The following SYNPO variants were observed in gnomAD, a reference collection of about 807,000 sequenced individuals.
SYNPO encodes synaptopodin.
Under a neutral mutation model 49.5 loss-of-function variants are expected in SYNPO, and 19 were observed. That is an observed-to-expected ratio of 0.38 (90% CI 0.27 to 0.56). The LOEUF (loss-of-function observed/expected upper bound fraction) is 0.56. Ranked by LOEUF, SYNPO falls within the 20% of genes least tolerant of loss-of-function variation. SYNPO has a pLI of 0.68. For missense variants in SYNPO, 1,131 were observed against 1,248.3 expected (o/e 0.91, Z 1.42); for synonymous variants, 536 against 548.0 (o/e 0.98, Z 0.31).
At chr5:150,597,386 C>A (rs1756444368), upstream of SYNPO, among the ~76,000 whole-genome samples, 1 of 152,196 alleles carries the variant, frequency 6.6e-6, no homozygotes, top group Non-Finnish European at 1.5e-5. Context: ...TGCTGGAGTG[C>A]AATGGTGCAA....
chr5:150,625,119 G>C (rs1326205511), intron 2 of SYNPO, among the ~76,000 whole-genome samples: 2 of 152,212 alleles, frequency 1.3e-5, no homozygotes, highest in South Asian at 4.1e-4. Context: ...CGAGGCTTTC[G>C]AGCAGCTGAG....
At chr5:150,640,187 G>T (rs1456534263), upstream of SYNPO, 1 of 985,144 alleles carries the variant, frequency 1.0e-6, no homozygotes, top group Non-Finnish European at 1.2e-6. Context: ...ACACAAGGTG[G>T]TGGTTATTAA....
chr5:150,629,082 G>A (rs1186747981), intron 2 of SYNPO, among the ~76,000 whole-genome samples: 1 of 152,170 alleles, frequency 6.6e-6, no homozygotes, highest in Non-Finnish European at 1.5e-5. Flanking sequence ...GCAGTGGCAT[G>A]ATTATGGCTC....
chr5:150,602,263 C>T (rs1376542650), intron 1 of SYNPO, among the ~76,000 whole-genome samples: 3 of 152,238 alleles, frequency 2.0e-5, no homozygotes, highest in Non-Finnish European at 4.4e-5. Context: ...CACTGCCTTG[C>T]TACGGATGTT....
upstream of SYNPO, among the ~76,000 whole-genome samples, chr5:150,636,046 A>C (rs984721511): frequency 3.3e-5 from 5 of 152,080 alleles, no homozygotes; most frequent in African/African-American, 4.8e-5. Context: ...AGCATTTACC[A>C]TCTGACTTAC....
chr5:150,635,715 G>A (rs140286928), upstream of SYNPO, among the ~76,000 whole-genome samples: 1,045 of 152,204 alleles, frequency 6.9e-3, 11 homozygotes, highest in African/African-American at 0.024. Flanking sequence ...TGCCCGCCTC[G>A]GCCTCCCAAA....
At chr5:150,655,722 G>A (rs1280139975) in intron 2 of SYNPO, among the ~76,000 whole-genome samples, 1 of 152,166 alleles carries the variant, frequency 6.6e-6, no homozygotes, top group African/African-American at 2.4e-5. Flanking sequence ...GCACGATGTC[G>A]GCTCACTGCA....
the SYNPO span, among the ~76,000 whole-genome samples, chr5:150,590,330 C>T: frequency 5.3e-5 from 8 of 152,214 alleles, no homozygotes; most frequent in Admixed American, 5.2e-4. Context: ...GAGAGAGGGA[C>T]CGCCACAGCC....
intron 1 of SYNPO, among the ~76,000 whole-genome samples, chr5:150,601,952 A>G (rs950951629): frequency 6.6e-6 from 1 of 152,338 alleles, no homozygotes; most frequent in South Asian, 2.1e-4. Flanking sequence ...TTTTCAGAGC[A>G]GTCACCTCCA....
chr5:150,634,719 G>A (rs1757649451), intron 2 of SYNPO, among the ~76,000 whole-genome samples: 1 of 151,902 alleles, frequency 6.6e-6, no homozygotes, highest in Non-Finnish European at 1.5e-5. Flanking sequence ...TACTTGGGAG[G>A]CTGAGGCAGG....
rs372578843 is a variant in SYNPO, at chr5:150,630,193, T to G, written c.400+11426T>G. On this transcript the variant is annotated intron_variant, in intron 2 of 2. Transcript: ENST00000394243. ...CATGGAAGGCTCTGCCATGGCCTGA[T>G]GAGTGGGCGTTGTTAGTGCCTTGGA... 5.3e-5 allele frequency among the ~76,000 whole-genome samples: 8 copies of G among 152,284 alleles called. No homozygotes were observed. In the South Asian group the frequency reaches 1.7e-3, roughly 32 times the overall value.
chr5:150,631,205 A>T (rs1757524158), intron 2 of SYNPO, among the ~76,000 whole-genome samples: 1 of 152,248 alleles, frequency 6.6e-6, no homozygotes, highest in African/African-American at 2.4e-5. Flanking sequence ...GCATGGACAT[A>T]GCCAAGGTCC....
Position 150,648,238 on chromosome 5 carries a change from G to C in SYNPO, c.-38G>C, listed in dbSNP as rs1299614883. The stretch of plus-strand genomic sequence containing the variant: ...GAGCCAGGCCCTCCACGGCACCCCA[G>C]TCCCCAGAGCCCCGACAGAGGGGTC... On this transcript the variant is annotated 5_prime_UTR_variant, in exon 2 of 3. Coordinates refer to ENST00000307662, the MANE Select transcript of SYNPO (RefSeq NM_007286.6). The surrounding 1 kb of genome is among the most constrained non-coding windows in gnomAD (Gnocchi z 5.0). 1 of 1,613,240 alleles carries C rather than the reference G, an allele frequency of 6.2e-7. No homozygotes were observed. Among genetic ancestry groups the C allele is most frequent in the East Asian group, 2.2e-5 (1 of 44,850 alleles).
chr5:150,616,655 C>T (rs1756991291), intron 1 of SYNPO, among the ~76,000 whole-genome samples: 2 of 152,304 alleles, frequency 1.3e-5, no homozygotes, highest in South Asian at 4.1e-4. Flanking sequence ...AACTCATCTC[C>T]CTGCTCCACT....
chr5:150,603,868 A>G (rs889598503), intron 1 of SYNPO, among the ~76,000 whole-genome samples: 3 of 152,176 alleles, frequency 2.0e-5, no homozygotes, highest in African/African-American at 7.2e-5. Flanking sequence ...GCGATTCTCT[A>G]GTGCTGCCCT....
In SYNPO at chr5:150,656,739, G is replaced by GCCCCCCCCCCCCCCC; in HGVS notation, c.2366_2367insCCCCCCCCCCCCCCC (p.Pro796_Pro800dup). The GCCCCCCCCCCCCCCC allele has an allele frequency of 7.9e-7, 1 of 1,266,884 alleles. No individual in the cohort carries two copies. Among genetic ancestry groups the GCCCCCCCCCCCCCCC allele is most frequent in the African/African-American group, 1.7e-5 (1 of 57,338 alleles). 78.5% of individuals were successfully genotyped at this position (1,266,884 alleles called of 1,614,324 possible). On this transcript the variant is annotated inframe_insertion, in exon 3 of 3. Coordinates refer to ENST00000307662, the MANE Select transcript of SYNPO (RefSeq NM_007286.6). ...CGCGGCCCTTCTCCCCGCCGAGGGCGCCACCGCCCCCGCCCCCGCCCCCGC... is the reference window on the plus strand; with the variant it reads ...CGCGGCCCTTCTCCCCGCCGAGGGCGCCCCCCCCCCCCCCCCCACCGCCCCCGCCCCCGCCCCCGC...
the SYNPO span, among the ~76,000 whole-genome samples, chr5:150,595,584 G>A: frequency 6.6e-6 from 1 of 152,230 alleles, no homozygotes; most frequent in Non-Finnish European, 1.5e-5. Flanking sequence ...CAGACAAGAG[G>A]TATGTAAGGC....
chr5:150,596,351 T>A (rs1394866217), upstream of SYNPO, among the ~76,000 whole-genome samples: 1 of 152,098 alleles, frequency 6.6e-6, no homozygotes, highest in African/African-American at 2.4e-5. Context: ...CTCTCTAGGC[T>A]CTCTAGGCCT....
chr5:150,624,719 C>A, intron 2 of SYNPO: 1 of 529,128 alleles, frequency 1.9e-6, no homozygotes, highest in Non-Finnish European at 2.4e-6. Flanking sequence ...GCTCCCAGCC[C>A]GGGGTCCCGG....
Sources: allele counts gnomAD v4.1 joint callset (sites outside exome capture counted in the v4.1 genomes callset), GRCh38; gene constraint gnomAD v4.1.1; non-coding constraint Gnocchi (gnomAD v3.1); transcripts MANE v1.5; gene names NCBI Gene and HGNC (gene_info 2026-07-23, HGNC 2026-07-21).